Variants in NAV2 observed in about 807,000 individuals in gnomAD.
NAV2 encodes the protein neuron navigator 2.
In NAV2, 54 loss-of-function variants were observed where a neutral mutation model predicts 223.2. The observed-to-expected ratio is 0.24, with a 90% CI of 0.19 to 0.30. The LOEUF (loss-of-function observed/expected upper bound fraction) is 0.30. Ranked by LOEUF, NAV2 falls within the 10% of genes least tolerant of loss-of-function variation. NAV2 has a pLI of 1.00. For missense variants in NAV2, 2,806 were observed against 3,147.5 expected (o/e 0.89, Z 2.60); for synonymous variants, 1,279 against 1,239.3 (o/e 1.03, Z -0.67).
At position 20,049,859 on chromosome 11, in the gene NAV2, G is replaced by A. The variant is rs1266875756; in HGVS notation, c.4394G>A (p.Ser1465Asn). The A allele has an allele frequency of 2.5e-6, 4 of 1,614,008 alleles. No homozygotes were observed. In the African/African-American group the frequency reaches 5.3e-5, roughly 22 times the overall value. The change falls in exon 16 of 38, where the codon AGC becomes AAC. Residue 1465 changes from serine to asparagine, a missense_variant. Physicochemically the swap from Ser to Asn is conservative, Grantham distance 46. Transcript: ENST00000349880. ...SESPLSSPAASPKFCRSTLPR... is the reference protein window; with the variant it reads ...SESPLSSPAANPKFCRSTLPR... The stretch of plus-strand genomic sequence containing the variant: ...AGCCCTCTCTCTTCCCCTGCTGCTA[G>A]CCCTAAGTTCTGCAGAAGTACTCTG...
At chr11:19,419,578 T>C (rs955512206) in intron 1 of NAV2, among the ~76,000 whole-genome samples, 2 of 152,164 alleles carry the variant, frequency 1.3e-5, no homozygotes, top group African/African-American at 4.8e-5. Flanking sequence ...TGGGGAATGA[T>C]AGAAATGCAT....
chr11:19,853,504 T>TA (rs2061254146), intron 3 of NAV2, among the ~76,000 whole-genome samples: 1 of 152,156 alleles, frequency 6.6e-6, no homozygotes, highest in South Asian at 2.1e-4. Flanking sequence ...TGAGATCTTT[T>TA]TTTTGTGTGA....
chr11:19,423,476 G>A (rs1564925431), intron 1 of NAV2, among the ~76,000 whole-genome samples: 1 of 152,202 alleles, frequency 6.6e-6, no homozygotes, highest in African/African-American at 2.4e-5. Flanking sequence ...AGAGGCTTGA[G>A]AATATTCTGT....
At chr11:20,017,012 A>C (rs1377135008) in intron 11 of NAV2, among the ~76,000 whole-genome samples, 2 of 60,252 alleles carry the variant, frequency 3.3e-5, no homozygotes, top group African/African-American at 1.3e-4. Flanking sequence ...TCTCCAAAAA[A>C]TAAAAATAGA....
At chr11:20,110,971 G>C (rs554225895) in intron 36 of NAV2, among the ~76,000 whole-genome samples, 2 of 152,128 alleles carry the variant, frequency 1.3e-5, no homozygotes, top group Non-Finnish European at 2.9e-5. Flanking sequence ...TGGTGGGAAC[G>C]TAAGGAGACC....
At position 20,097,813 on chromosome 11, in the gene NAV2, G is replaced by A. The variant is rs1592136117; in HGVS notation, c.6181+68G>A. The A allele has an allele frequency of 6.4e-6, 9 of 1,396,224 alleles. No homozygotes were observed. The East Asian group carries it at 2.2e-4, about 34-fold the overall frequency. 86.5% of individuals were successfully genotyped at this position (1,396,224 alleles called of 1,614,324 possible). ...AGTGTTTGTTTTGTGACTTGGCATA[G>A]GCACTTGTGGCCCCAGTTTTGTTTG... On this transcript the variant is annotated intron_variant, in intron 31 of 37. Coordinates refer to ENST00000349880, the MANE Select transcript of NAV2 (RefSeq NM_145117.5).
In NAV2 at chr11:19,579,834, A is replaced by AC. The variant is rs554939090; in HGVS notation, c.75+228808dup. Among the ~76,000 whole-genome samples the AC allele has an allele frequency of 2.9e-3, 446 of 152,236 alleles. 2 individuals carry two copies. The highest frequency in any genetic ancestry group is 5.0e-3 in the Non-Finnish European group (342 of 68,004). ...TTGAGCATCTCTAGGCCCCTCTTGGACACCACCTTGGAGACAAGAGGCTCT... is the reference window on the plus strand; with the variant it reads ...TTGAGCATCTCTAGGCCCCTCTTGGACCACCACCTTGGAGACAAGAGGCTCT... On this transcript the variant is annotated intron_variant, in intron 1 of 37. Coordinates refer to the NAV2 transcript ENST00000360655.
At chr11:20,015,768 G>A (rs1034464017) in intron 11 of NAV2, among the ~76,000 whole-genome samples, 5 of 152,250 alleles carry the variant, frequency 3.3e-5, no homozygotes, top group African/African-American at 4.8e-5. Context: ...TAGGAGGAGC[G>A]ACTATAGTGT....
At chr11:19,570,580 A>C (rs2045396512) in intron 1 of NAV2, among the ~76,000 whole-genome samples, 1 of 152,230 alleles carries the variant, frequency 6.6e-6, no homozygotes, top group Non-Finnish European at 1.5e-5. Context: ...CAATGTTAAA[A>C]AAGACCTGAT....
At chr11:19,798,881 T>C (rs1187054950) in intron 1 of NAV2, among the ~76,000 whole-genome samples, 2 of 152,336 alleles carry the variant, frequency 1.3e-5, no homozygotes, top group South Asian at 4.1e-4. Context: ...TATGGACTCT[T>C]GGAAACAAAA....
At chr11:19,368,613 A>G (rs1225145048) in intron 1 of NAV2, among the ~76,000 whole-genome samples, 1 of 152,224 alleles carries the variant, frequency 6.6e-6, no homozygotes, top group Admixed American at 6.5e-5. Flanking sequence ...AATAAAAAGA[A>G]CACTAACAGC....
At chr11:19,414,318 T>C (rs1850273475) in intron 1 of NAV2, among the ~76,000 whole-genome samples, 2 of 152,162 alleles carry the variant, frequency 1.3e-5, no homozygotes, top group Admixed American at 1.3e-4. Context: ...AAACAGACTT[T>C]AAACCAACAA....
intron 28 of NAV2, among the ~76,000 whole-genome samples, chr11:20,092,841 G>A (rs1299013987): frequency 6.6e-6 from 1 of 152,172 alleles, no homozygotes; most frequent in Non-Finnish European, 1.5e-5. Flanking sequence ...TGCTGCTGCT[G>A]TTGTTGTTTT....
At chr11:19,541,119 G>A (rs747928767) in intron 1 of NAV2, among the ~76,000 whole-genome samples, 50 of 152,198 alleles carry the variant, frequency 3.3e-4, no homozygotes, top group Non-Finnish European at 6.0e-4. Context: ...ATTATTATGA[G>A]GAGGAGAGAT....
intron 1 of NAV2, among the ~76,000 whole-genome samples, chr11:19,459,644 T>A (rs1342866346): frequency 6.6e-6 from 1 of 152,198 alleles, no homozygotes; most frequent in Non-Finnish European, 1.5e-5. Context: ...AGTGGGATAA[T>A]CAACCAGTAT....
intron 26 of NAV2, among the ~76,000 whole-genome samples, chr11:20,083,987 G>A (rs1248250637): frequency 2.6e-5 from 4 of 152,236 alleles, no homozygotes; most frequent in African/African-American, 9.6e-5. Flanking sequence ...GGTAGAGGGA[G>A]TACAGGCAAA....
chr11:19,637,872 C>A (rs531297777), intron 1 of NAV2, among the ~76,000 whole-genome samples: 19 of 152,362 alleles, frequency 1.2e-4, no homozygotes, highest in African/African-American at 4.6e-4. Context: ...TATCAGGATT[C>A]TTCATAGCGA....
At chr11:19,566,031 GATTTT>G (rs56221634) in intron 1 of NAV2, among the ~76,000 whole-genome samples, 45,270 of 138,168 alleles carry the variant, frequency 0.33, 8,677 homozygotes, top group Non-Finnish European at 0.43. Flanking sequence ...TATCCAAGGA[GATTTT>G]ATTTTATTTT....
chr11:19,587,528 C>T (rs1348709656), intron 1 of NAV2, among the ~76,000 whole-genome samples: 1 of 152,188 alleles, frequency 6.6e-6, no homozygotes, highest in African/African-American at 2.4e-5. Flanking sequence ...CCCAGCTCCA[C>T]ATTTTTCTCT....
Sources: allele counts gnomAD v4.1 joint callset (sites outside exome capture counted in the v4.1 genomes callset), GRCh38; gene constraint gnomAD v4.1.1; transcripts MANE v1.5; gene names NCBI Gene and HGNC (gene_info 2026-07-23, HGNC 2026-07-21).